Variants in ZMIZ1 observed in about 807,000 individuals in gnomAD.
ZMIZ1 encodes zinc finger MIZ-type containing 1.
ZMIZ1 carries 17 observed loss-of-function variants against 113.9 expected under a neutral mutation model. The ratio of observed to expected loss-of-function variants is 0.15; its 90% CI spans 0.10 to 0.22. The LOEUF is 0.22. ZMIZ1 is among the 10% of genes least tolerant of loss of function. The pLI is 1.00. For missense variants in ZMIZ1, 1,059 were observed against 1,477.8 expected, an observed-to-expected ratio of 0.72 and a Z score of 4.65; for synonymous variants, 607 against 603.1, an observed-to-expected ratio of 1.01 and a Z score of -0.09.
chr10:79,149,155 A>G (rs548241808), intron 3 of ZMIZ1, among the ~76,000 whole-genome samples: 1 of 152,196 alleles, frequency 6.6e-6, no homozygotes, highest in African/African-American at 2.4e-5. Flanking sequence ...CTCTGTCCCT[A>G]TCTCTGTCCC....
At chr10:79,227,624 A>G (rs1387687004) in intron 7 of ZMIZ1, among the ~76,000 whole-genome samples, 1 of 152,232 alleles carries the variant, frequency 6.6e-6, no homozygotes, top group Non-Finnish European at 1.5e-5. Flanking sequence ...TGTATAGGAC[A>G]TGCTGTATAT....
chr10:79,283,290 C>T (rs1852856009), intron 8 of ZMIZ1, among the ~76,000 whole-genome samples: 1 of 152,122 alleles, frequency 6.6e-6, no homozygotes, highest in Non-Finnish European at 1.5e-5. Context: ...GGCTGCTGGG[C>T]CTTGAGTTTC....
intron 1 of ZMIZ1, among the ~76,000 whole-genome samples, chr10:79,088,290 C>A (rs1842876508): frequency 6.6e-6 from 1 of 152,242 alleles, no homozygotes; most frequent in South Asian, 2.1e-4. Context: ...ATTGGCTCGG[C>A]AACAGCAGCC....
At chr10:79,262,007 A>C (rs1235388921) in intron 7 of ZMIZ1, among the ~76,000 whole-genome samples, 2 of 152,228 alleles carry the variant, frequency 1.3e-5, no homozygotes, top group Non-Finnish European at 2.9e-5. Context: ...AGAGCTTTGA[A>C]TGCAAAGGTC....
intron 5 of ZMIZ1, among the ~76,000 whole-genome samples, chr10:79,206,081 C>T (rs1754006449): frequency 6.6e-6 from 1 of 150,816 alleles, no homozygotes; most frequent in African/African-American, 2.4e-5. Context: ...ACCCCCCAGC[C>T]TGGGTGACAG....
At chr10:79,218,053 G>A (rs1354428214) in intron 7 of ZMIZ1, among the ~76,000 whole-genome samples, 1 of 152,214 alleles carries the variant, frequency 6.6e-6, no homozygotes, top group African/African-American at 2.4e-5. Flanking sequence ...GAAACTTATA[G>A]TCCAGAGCAG....
rs1374986806 is a variant in ZMIZ1 at position 79,069,883 on chromosome 10, G to A, written c.-337+613G>A. On this transcript the variant is annotated intron_variant, in intron 1 of 24. Transcript: ENST00000334512. This position sits in a 1 kb window ranked among gnomAD's most constrained non-coding sequence, Gnocchi z 4.6. ...GGGAAAGCTGGCGCGCGGTACAAAC[G>A]AGAAACGCGGAGGTGTGTGTGCAGG... Among the ~76,000 whole-genome samples the A allele has an allele frequency of 2.0e-5, 3 of 151,926 alleles. No individual in the cohort carries two copies. Among genetic ancestry groups the A allele is most frequent in the Non-Finnish European group, 4.4e-5 (3 of 67,932 alleles).
intron 4 of ZMIZ1, among the ~76,000 whole-genome samples, chr10:79,190,381 G>T (rs905098604): frequency 2.0e-5 from 3 of 152,184 alleles, no homozygotes; most frequent in African/African-American, 7.2e-5. Flanking sequence ...TCAAGGCTCT[G>T]CTCTACGCTC....
chr10:79,301,456 C>G (rs1253049980), intron 17 of ZMIZ1, among the ~76,000 whole-genome samples: 1 of 152,048 alleles, frequency 6.6e-6, no homozygotes, highest in Non-Finnish European at 1.5e-5. Context: ...AGGACCAGCT[C>G]TCAGCCACCC....
chr10:79,252,754 T>C (rs928289385), intron 7 of ZMIZ1, among the ~76,000 whole-genome samples: 3 of 152,196 alleles, frequency 2.0e-5, no homozygotes, highest in Non-Finnish European at 4.4e-5. Context: ...GGACCCTGGA[T>C]GCACGCCCCC....
intron 4 of ZMIZ1, among the ~76,000 whole-genome samples, chr10:79,178,898 C>T (rs917529963): frequency 5.9e-5 from 9 of 152,190 alleles, no homozygotes; most frequent in African/African-American, 1.9e-4. Flanking sequence ...GACAGCCCTG[C>T]TCTCCCAAGC....
Position 79,118,583 on chromosome 10 carries a change from G to C in ZMIZ1, c.-336-332G>C, listed in dbSNP as rs896558322. On this transcript the variant is annotated intron_variant, in intron 1 of 24. Transcript: ENST00000334512. The surrounding 1 kb of genome is among the most constrained non-coding windows in gnomAD (Gnocchi z 4.1). ...AGAAGAGCTCTGAGCGGGGCACCCA[G>C]CGTGTGCCAAGGCCGGAGCCAGGGG... Among the ~76,000 whole-genome samples, 1 of 152,230 alleles carries C rather than the reference G, an allele frequency of 6.6e-6. No individual in the cohort carries two copies. The highest frequency in any genetic ancestry group is 1.9e-4 in the East Asian group (1 of 5,186).
At chr10:79,073,291 T>C (rs1343268051) in intron 1 of ZMIZ1, among the ~76,000 whole-genome samples, 3 of 152,188 alleles carry the variant, frequency 2.0e-5, no homozygotes, top group Non-Finnish European at 4.4e-5. Flanking sequence ...CATGTGTCCC[T>C]TGAAGGCCTG....
chr10:79,180,246 C>T (rs1265350229), intron 4 of ZMIZ1, among the ~76,000 whole-genome samples: 1 of 152,148 alleles, frequency 6.6e-6, no homozygotes. Flanking sequence ...CAAGCACACC[C>T]GTGACCAGGG....
At chr10:79,154,515 G>T (rs898395250) in intron 3 of ZMIZ1, among the ~76,000 whole-genome samples, 4 of 152,226 alleles carry the variant, frequency 2.6e-5, no homozygotes, top group Admixed American at 6.5e-5. Flanking sequence ...ATTGCAAGTG[G>T]CAAGGGCCCA....
At chr10:79,216,589 C>T (rs1375591434) in intron 7 of ZMIZ1, among the ~76,000 whole-genome samples, 1 of 152,154 alleles carries the variant, frequency 6.6e-6, no homozygotes, top group Admixed American at 6.5e-5. Flanking sequence ...CCACGGTGAC[C>T]CCTTGGCATA....
chr10:79,237,998 G>A (rs969343603), intron 7 of ZMIZ1, among the ~76,000 whole-genome samples: 1 of 152,208 alleles, frequency 6.6e-6, no homozygotes, highest in African/African-American at 2.4e-5. Context: ...GGAGAGCATG[G>A]CCAGTTCCTT....
intron 4 of ZMIZ1, among the ~76,000 whole-genome samples, chr10:79,197,599 C>T (rs1847886500): frequency 7.0e-6 from 1 of 142,372 alleles, no homozygotes; most frequent in South Asian, 2.3e-4. Flanking sequence ...AGACCATACA[C>T]ACACACACAC....
At chr10:79,242,912 C>G (rs983637807) in intron 7 of ZMIZ1, among the ~76,000 whole-genome samples, 2 of 151,992 alleles carry the variant, frequency 1.3e-5, no homozygotes, top group South Asian at 2.1e-4. Flanking sequence ...GCCTCCGATT[C>G]ATACTCGCTC....
Sources: gnomAD v4.1 joint callset for allele counts (sites outside exome capture counted in the v4.1 genomes callset) on GRCh38, gnomAD v4.1.1 for gene constraint, Gnocchi (gnomAD v3.1) non-coding constraint, MANE v1.5 for transcripts, NCBI Gene and HGNC (gene_info 2026-07-23, HGNC 2026-07-21) for gene names.